Variants in RRP1B observed in about 807,000 individuals in gnomAD.
RRP1B encodes the protein ribosomal RNA processing protein 1 homolog B.
A neutral mutation model predicts 80.2 loss-of-function variants in RRP1B; 56 were observed. The ratio of observed to expected loss-of-function variants is 0.70; its 90% CI spans 0.56 to 0.87. The LOEUF (loss-of-function observed/expected upper bound fraction) is 0.87. Among genes scored for constraint, RRP1B ranks in the 40% least tolerant of loss-of-function variants. The pLI is 0.00. For missense variants in RRP1B, 807 were observed against 939.8 expected (o/e 0.86, Z 1.85); for synonymous variants, 351 against 357.6 (o/e 0.98, Z 0.21).
intron 7 of RRP1B, 98 bp from the exon 8 acceptor site, chr21:43,676,635 C>T: frequency 8.5e-7 from 1 of 1,177,932 alleles, no homozygotes; most frequent in Non-Finnish European, 1.2e-6. Flanking sequence ...CACTCCAGAC[C>T]ACAGCAACGT....
At chr21:43,662,039 C>G (rs1373598521) in intron 1 of RRP1B, among the ~76,000 whole-genome samples, 1 of 152,248 alleles carries the variant, frequency 6.6e-6, no homozygotes, top group African/African-American at 2.4e-5. Context: ...TGTCATCCTT[C>G]TCCCGAAACA....
chr21:43,659,574 C>T lies in RRP1B; in HGVS notation c.-91C>T. 2 of 1,243,700 alleles carry T rather than the reference C, an allele frequency of 1.6e-6. No individual in the cohort carries two copies. The highest frequency in any genetic ancestry group is 2.0e-6 in the Non-Finnish European group (2 of 992,688). The allele number at this position is 1,243,700 out of a possible 1,614,324, so 77.0% of individuals were successfully genotyped here. A position where few individuals can be genotyped will look rare whatever the true frequency, so the allele number is the denominator to read the frequency against. ...GCCGCCGCCTTCTGTGCAGTCGCGG[C>T]CCGGGCGGACGGTGGCTGGCTGCTC... On this transcript the variant is annotated 5_prime_UTR_variant, in exon 1 of 16. Coordinates refer to ENST00000340648, the MANE Select transcript of RRP1B (RefSeq NM_015056.3). This position sits in a 1 kb window ranked among gnomAD's most constrained non-coding sequence, Gnocchi z 4.2.
intron 8 of RRP1B, among the ~76,000 whole-genome samples, chr21:43,680,249 G>A (rs1347111474): frequency 6.6e-6 from 1 of 152,154 alleles, no homozygotes; most frequent in Admixed American, 6.5e-5. Context: ...AAACCAAAAT[G>A]TTTTATTTAT....
At chr21:43,682,378 A>G (rs1411814292) in intron 8 of RRP1B, among the ~76,000 whole-genome samples, 3 of 152,256 alleles carry the variant, frequency 2.0e-5, no homozygotes, top group Non-Finnish European at 4.4e-5. Context: ...AGAGGGTTCC[A>G]GAAACAGTAC....
At chr21:43,677,033 C>T in intron 8 of RRP1B, 119 bp downstream of exon 8, 1 of 988,364 alleles carries the variant, frequency 1.0e-6, no homozygotes, top group Non-Finnish European at 1.5e-6. Context: ...ATGGCTCTGC[C>T]TCAGCCCCTC....
In RRP1B at chr21:43,694,617, C is replaced by G. The variant is rs1312047948; in HGVS notation, c.*1234C>G. 2 of 152,260 alleles carry G rather than the reference C, an allele frequency of 1.3e-5. No individual in the cohort carries two copies. The highest frequency in any genetic ancestry group is 2.9e-5 in the Non-Finnish European group (2 of 68,064). 9.4% of individuals were successfully genotyped at this position (152,260 alleles called of 1,614,324 possible). A position where few individuals can be genotyped will look rare whatever the true frequency, so the allele number is the denominator to read the frequency against. Reference sequence around the variant, plus strand: ...GGCACGGGCACACGGTTCGGGCTGGCGTGCAGCTCTCCCAGCCAGCCACGC... The same window carrying G: ...GGCACGGGCACACGGTTCGGGCTGGGGTGCAGCTCTCCCAGCCAGCCACGC... On this transcript the variant is annotated 3_prime_UTR_variant, in exon 16 of 16. Coordinates refer to ENST00000340648, the MANE Select transcript of RRP1B (RefSeq NM_015056.3).
intron 1 of RRP1B, among the ~76,000 whole-genome samples, chr21:43,662,968 C>A (rs1458147680): frequency 6.6e-6 from 1 of 152,208 alleles, no homozygotes; most frequent in Non-Finnish European, 1.5e-5. Context: ...TTTTTGGCAG[C>A]ATACAAAATA....
chr21:43,660,227 G>T (rs1451204081), intron 1 of RRP1B, among the ~76,000 whole-genome samples: 2 of 152,178 alleles, frequency 1.3e-5, no homozygotes, highest in Non-Finnish European at 2.9e-5. Context: ...AGGCAAACAG[G>T]CAAATAAAGT....
At chr21:43,690,166 C>A in intron 13 of RRP1B, 122 bp from the exon 14 acceptor site, 1 of 1,124,448 alleles carries the variant, frequency 8.9e-7, no homozygotes, top group Non-Finnish European at 1.3e-6. Flanking sequence ...GTGCGGAAGA[C>A]CGCGGGCCGT....
intron 1 of RRP1B, among the ~76,000 whole-genome samples, chr21:43,661,103 C>T (rs1047079248): frequency 1.3e-5 from 2 of 152,174 alleles, no homozygotes; most frequent in Admixed American, 6.5e-5. Context: ...AAAGAAAATA[C>T]ACTTTCCTGG....
At chr21:43,670,524 C>A (rs1442373024) in intron 2 of RRP1B, among the ~76,000 whole-genome samples, 2 of 152,378 alleles carry the variant, frequency 1.3e-5, no homozygotes, top group African/African-American at 4.8e-5. Context: ...GTGACTTTCA[C>A]TTTTTAAAAG....
chr21:43,693,577 G>C lies in RRP1B; in HGVS notation c.*194G>C. The C allele has an allele frequency of 1.9e-6, 1 of 532,498 alleles. No individual in the cohort carries two copies. Among genetic ancestry groups the C allele is most frequent in the Non-Finnish European group, 3.2e-6 (1 of 312,864 alleles). The allele number at this position is 532,498 out of a possible 1,614,324, so 33.0% of individuals were successfully genotyped here. On this transcript the variant is annotated 3_prime_UTR_variant, in exon 16 of 16. Coordinates refer to ENST00000340648, the MANE Select transcript of RRP1B (RefSeq NM_015056.3). The surrounding 1 kb of genome is among the most constrained non-coding windows in gnomAD (Gnocchi z 4.1). ...TGCGGGCGTCTTGGTTGAATCTTTTGCTACAAACCATGTTTGCGTTTGAGC... is the reference window on the plus strand; with the variant it reads ...TGCGGGCGTCTTGGTTGAATCTTTTCCTACAAACCATGTTTGCGTTTGAGC...
At position 43,687,898 on chromosome 21, in the gene RRP1B, G is replaced by A. The variant is rs2083070332; in HGVS notation, c.1524G>A (p.Gln508=). 1.2e-6 allele frequency: 2 copies of A among 1,613,124 alleles called. No individual in the cohort carries two copies. The highest frequency in any genetic ancestry group is 2.2e-5 in the East Asian group (1 of 44,892). The stretch of plus-strand genomic sequence containing the variant: ...GTGGCCCGAGTGGCAGTCATCCTCA[G>A]GGACCTAGAGGGTCCCCGACAGGTG... The part of the protein sequence containing the change: ...SQSGPSGSHP[Q]GPRGSPTGGA... Residue 508 remains glutamine (Q), a synonymous_variant, in exon 13 of 16, where the codon CAG becomes CAA. Transcript: ENST00000340648.
chr21:43,685,799 G>A lies in RRP1B; in HGVS notation c.1009+10G>A, dbSNP rs757003274. The A allele has an allele frequency of 8.8e-6, 14 of 1,585,998 alleles. No individual in the cohort carries two copies. Among genetic ancestry groups the A allele is most frequent in the Admixed American group, 1.7e-5 (1 of 58,016 alleles). ...CAAGACCTTTCTGAAGGTGAGGCGCGCCAAGAATCATCATTCATGGTGTTT... is the reference window on the plus strand; with the variant it reads ...CAAGACCTTTCTGAAGGTGAGGCGCACCAAGAATCATCATTCATGGTGTTT... On this transcript the variant is annotated intron_variant, in intron 11 of 15. Coordinates refer to ENST00000340648, the MANE Select transcript of RRP1B (RefSeq NM_015056.3).
At chr21:43,673,302 G>A (rs1156797312) in intron 3 of RRP1B, among the ~76,000 whole-genome samples, 2 of 152,146 alleles carry the variant, frequency 1.3e-5, no homozygotes, top group Non-Finnish European at 2.9e-5. Flanking sequence ...ACATTGCAAT[G>A]TTGCCAGCCC....
In RRP1B at chr21:43,691,573, G is replaced by T; in HGVS notation, c.2083+71G>T. ...CAGCTCCTGGCGCGGCTCGCAGCCTGGTTCCACAAGGCGGTCGGGGAAGAG... is the reference window on the plus strand; with the variant it reads ...CAGCTCCTGGCGCGGCTCGCAGCCTTGTTCCACAAGGCGGTCGGGGAAGAG... On this transcript the variant is annotated intron_variant, in intron 15 of 15. Coordinates refer to ENST00000340648, the MANE Select transcript of RRP1B (RefSeq NM_015056.3). The surrounding 1 kb of genome is among the most constrained non-coding windows in gnomAD (Gnocchi z 4.2). 1.5e-6 allele frequency: 2 copies of T among 1,356,262 alleles called. No individual in the cohort carries two copies. The highest frequency in any genetic ancestry group is 2.1e-6 in the Non-Finnish European group (2 of 947,560). 84.0% of individuals were successfully genotyped at this position (1,356,262 alleles called of 1,614,324 possible).
chr21:43,685,748 T>C, intron 10 of RRP1B, 22 bp from the exon 11 acceptor site: 5 of 1,456,586 alleles, frequency 3.4e-6, no homozygotes, highest in Non-Finnish European at 4.6e-6. Context: ...TTATTTTTTA[T>C]TTTTTATTTT....
intron 13 of RRP1B, 37 bp from the exon 14 acceptor site, chr21:43,690,251 T>A: frequency 6.2e-7 from 1 of 1,609,418 alleles, no homozygotes; most frequent in Admixed American, 1.7e-5. Context: ...CTCTGTCGTC[T>A]GACCCCTCCT....
intron 12 of RRP1B, 38 bp downstream of exon 12, chr21:43,686,973 C>A: frequency 6.2e-7 from 1 of 1,604,680 alleles, no homozygotes; most frequent in South Asian, 1.1e-5. Context: ...ACGACTCAGC[C>A]CTTGGGGAGC....
Sources: gnomAD v4.1 joint callset for allele counts (sites outside exome capture counted in the v4.1 genomes callset) on GRCh38, gnomAD v4.1.1 for gene constraint, Gnocchi (gnomAD v3.1) non-coding constraint, MANE v1.5 for transcripts, NCBI Gene and HGNC (gene_info 2026-07-23, HGNC 2026-07-21) for gene names.